The following VANGL1 variants were observed in gnomAD, a reference collection of about 807,000 sequenced individuals.
The protein encoded by VANGL1 is vang-like protein 1.
A neutral mutation model predicts 48.4 loss-of-function variants in VANGL1; 18 were observed. The ratio of observed to expected loss-of-function variants is 0.37; its 90% CI spans 0.26 to 0.55. The LOEUF is 0.55. VANGL1 is among the 20% of genes least tolerant of loss of function. VANGL1 has a pLI of 0.81. For synonymous variants in VANGL1, 257 were observed against 261.8 expected (o/e 0.98, Z 0.18); for missense variants, 667 against 675.8 (o/e 0.99, Z 0.14).
intron 4 of VANGL1, among the ~76,000 whole-genome samples, chr1:115,676,891 TATC>T (rs1653187759): frequency 6.6e-6 from 1 of 152,222 alleles, no homozygotes; most frequent in Non-Finnish European, 1.5e-5. Context: ...GGAGCCCACT[TATC>T]ATGGTAATCA....
At chr1:115,649,794 C>T (rs1294078671) in intron 1 of VANGL1, among the ~76,000 whole-genome samples, 1 of 152,170 alleles carries the variant, frequency 6.6e-6, no homozygotes, top group East Asian at 1.9e-4. Flanking sequence ...CCTGTGAGGT[C>T]GGTGGCTGGT....
chr1:115,688,810 G>A (rs1653730790), intron 7 of VANGL1, among the ~76,000 whole-genome samples: 1 of 124,940 alleles, frequency 8.0e-6, no homozygotes, highest in Admixed American at 8.5e-5. Flanking sequence ...TTTTCTTTGA[G>A]ACGGAGTCTC....
intron 1 of VANGL1, among the ~76,000 whole-genome samples, chr1:115,649,606 G>T (rs1409033459): frequency 2.0e-5 from 3 of 152,250 alleles, no homozygotes; most frequent in African/African-American, 7.2e-5. Flanking sequence ...CTCGCGCTGG[G>T]TGCCTTCATA....
chr1:115,655,475 C>T (rs1308599269), intron 2 of VANGL1, among the ~76,000 whole-genome samples: 2 of 152,222 alleles, frequency 1.3e-5, no homozygotes, highest in Non-Finnish European at 2.9e-5. Context: ...GCTCTTCCTG[C>T]CCCTCACACA....
intron 4 of VANGL1, among the ~76,000 whole-genome samples, chr1:115,677,201 A>C (rs1653200247): frequency 6.6e-6 from 1 of 152,240 alleles, no homozygotes; most frequent in Non-Finnish European, 1.5e-5. Flanking sequence ...TTTGTGCATT[A>C]ACATTTGAAC....
Position 115,685,415 on chromosome 1 carries a change from T to C in VANGL1, c.1202T>C (p.Met401Thr). 1 of 1,614,136 alleles carries C rather than the reference T, an allele frequency of 6.2e-7. No individual in the cohort carries two copies. The highest frequency in any genetic ancestry group is 8.5e-7 in the Non-Finnish European group (1 of 1,180,008). Residue 401 changes from methionine (M) to threonine (T), a missense_variant, in exon 7 of 8, where the codon ATG becomes ACG. Physicochemically the swap from Met to Thr is moderately conservative, Grantham distance 81 (BLOSUM62 -1). Coordinates refer to ENST00000355485, the MANE Select transcript of VANGL1 (RefSeq NM_138959.3). ...GCCGCCCAGGCCATTTTCCCCTCCA[T>C]GGCCAGGGCTCTCCAGAAGTACCTG... ...REAAQAIFPS[M>T]ARALQKYLRI...
At chr1:115,666,318 C>T (rs926163781) in intron 4 of VANGL1, among the ~76,000 whole-genome samples, 7 of 152,186 alleles carry the variant, frequency 4.6e-5, no homozygotes, top group Admixed American at 2.6e-4. Context: ...CCACATCGCT[C>T]CTCCCTGTAC....
chr1:115,677,664 G>A (rs1653217771), intron 4 of VANGL1, among the ~76,000 whole-genome samples: 1 of 152,182 alleles, frequency 6.6e-6, no homozygotes, highest in Admixed American at 6.5e-5. Flanking sequence ...GACTAGGCAG[G>A]TATGTTGGCA....
At position 115,698,097 on chromosome 1, in the gene VANGL1, C is replaced by T. The variant is rs976057378; in HGVS notation, c.*6718C>T. On this transcript the variant is annotated 3_prime_UTR_variant, in exon 8 of 8. Transcript: ENST00000355485. ...TCTGATGGAATAGTGTACCTGTCAC[C>T]CAAGTTATTTTGTTCCTTTTTGGGT... 3 of 152,050 alleles carry T rather than the reference C, an allele frequency of 2.0e-5. No homozygotes were observed. Among genetic ancestry groups the T allele is most frequent in the African/African-American group, 7.3e-5 (3 of 41,356 alleles). The allele number at this position is 152,050 out of a possible 1,614,324, so 9.4% of individuals were successfully genotyped here.
chr1:115,681,507 TTTTTG>T (rs1653389952), intron 4 of VANGL1, among the ~76,000 whole-genome samples: 1 of 143,934 alleles, frequency 6.9e-6, no homozygotes, highest in Non-Finnish European at 1.5e-5. Flanking sequence ...TTTGTTGTTT[TTTTTG>T]TTTTTTTTTT....
Position 115,691,806 on chromosome 1 carries a change from A to G in VANGL1, c.*427A>G, listed in dbSNP as rs1653849189. On this transcript the variant is annotated 3_prime_UTR_variant, in exon 8 of 8. Transcript: ENST00000355485. ...AGGAAACCAGTCACGACACGTCCAC[A>G]TATGTATTTGTGTATGTTAATGTCC... The G allele has an allele frequency of 5.6e-6, 1 of 178,918 alleles. No individual in the cohort carries two copies. Among genetic ancestry groups the G allele is most frequent in the Admixed American group, 5.4e-5 (1 of 18,392 alleles). The allele number at this position is 178,918 out of a possible 1,614,324, so 11.1% of individuals were successfully genotyped here. A position where few individuals can be genotyped will look rare whatever the true frequency, so the allele number is the denominator to read the frequency against.
intron 2 of VANGL1, among the ~76,000 whole-genome samples, chr1:115,652,695 C>G (rs1263762315): frequency 2.0e-5 from 3 of 152,132 alleles, no homozygotes; most frequent in Admixed American, 2.0e-4. Context: ...GCGCTCTTCC[C>G]CATACAAGCA....
At position 115,696,338 on chromosome 1, in the gene VANGL1, C is replaced by T. The variant is rs956368912; in HGVS notation, c.*4959C>T. ...GGAGTCCCTGGCCTGGCCTCCTTGA[C>T]GTAGGTGTTCTCAGCAAGCAGTTTG... On this transcript the variant is annotated 3_prime_UTR_variant, in exon 8 of 8. Coordinates refer to ENST00000355485, the MANE Select transcript of VANGL1 (RefSeq NM_138959.3). The T allele has an allele frequency of 6.6e-6, 1 of 152,256 alleles. No individual in the cohort carries two copies. Among genetic ancestry groups the T allele is most frequent in the East Asian group, 1.9e-4 (1 of 5,190 alleles). The allele number at this position is 152,256 out of a possible 1,614,324, so 9.4% of individuals were successfully genotyped here.
intron 3 of VANGL1, among the ~76,000 whole-genome samples, chr1:115,661,886 A>G (rs957627367): frequency 1.3e-5 from 2 of 152,118 alleles, no homozygotes. Context: ...CCAAAGTGCT[A>G]GGATTACAGG....
intron 6 of VANGL1, among the ~76,000 whole-genome samples, 198 bp downstream of exon 6, chr1:115,684,274 G>T (rs1028195096): frequency 6.6e-6 from 1 of 151,802 alleles, no homozygotes; most frequent in African/African-American, 2.4e-5. Context: ...AAATAGCTGC[G>T]ATCACAGGCG....
chr1:115,673,447 G>A (rs993181577), intron 4 of VANGL1, among the ~76,000 whole-genome samples: 55 of 152,178 alleles, frequency 3.6e-4, no homozygotes, highest in East Asian at 3.9e-4. Context: ...TGTGCTCCCC[G>A]CAAAGCCTCT....
intron 4 of VANGL1, among the ~76,000 whole-genome samples, chr1:115,666,380 CA>C (rs918735590): frequency 7.2e-4 from 110 of 152,256 alleles, no homozygotes; most frequent in African/African-American, 2.5e-3. Flanking sequence ...GGGGACAAAC[CA>C]AACAGCCCGA....
At chr1:115,686,132 C>G (rs1305712677) in intron 7 of VANGL1, among the ~76,000 whole-genome samples, 1 of 151,934 alleles carries the variant, frequency 6.6e-6, no homozygotes. Context: ...ACACAACAAC[C>G]CTGTCAGAGA....
chr1:115,654,176 C>T (rs1035708385), intron 2 of VANGL1, among the ~76,000 whole-genome samples: 7 of 151,952 alleles, frequency 4.6e-5, no homozygotes, highest in Admixed American at 6.5e-5. Flanking sequence ...GGGTAGGAGG[C>T]GGGTTGGGGT....
Sources: allele counts gnomAD v4.1 joint callset (sites outside exome capture counted in the v4.1 genomes callset), GRCh38; gene constraint gnomAD v4.1.1; transcripts MANE v1.5; gene names NCBI Gene and HGNC (gene_info 2026-07-23, HGNC 2026-07-21).